Variants in ALKBH3 observed in about 807,000 individuals in gnomAD.
ALKBH3 encodes alpha-ketoglutarate-dependent dioxygenase alkB homolog 3.
In ALKBH3, 51 loss-of-function variants were observed where a neutral mutation model predicts 43.9. The observed-to-expected ratio is 1.16, with a 90% CI of 0.93 to 1.47. The LOEUF (loss-of-function observed/expected upper bound fraction) is 1.47, where lower values mean the gene tolerates loss of function less well. Ranked by LOEUF, ALKBH3 falls within the 40% of genes most tolerant of loss-of-function variation. The pLI is 0.00. For synonymous variants in ALKBH3, 102 were observed against 115.2 expected, an observed-to-expected ratio of 0.89 and a Z score of 0.73; for missense variants, 361 against 351.9, an observed-to-expected ratio of 1.03 and a Z score of -0.21.
intron 8 of ALKBH3, among the ~76,000 whole-genome samples, chr11:43,902,875 G>C (rs1353844760): frequency 6.6e-6 from 1 of 152,204 alleles, no homozygotes; most frequent in East Asian, 1.9e-4. Context: ...GGGATTACAG[G>C]CATGAGCCAC....
chr11:43,899,684 C>T, intron 7 of ALKBH3: 1 of 354,846 alleles, frequency 2.8e-6, no homozygotes, highest in Non-Finnish European at 5.2e-6. Flanking sequence ...GAGCAAATAG[C>T]TCTCCAGATG....
chr11:43,887,699 T>C (rs915239673), intron 5 of ALKBH3, among the ~76,000 whole-genome samples: 2 of 152,204 alleles, frequency 1.3e-5, no homozygotes, highest in African/African-American at 4.8e-5. Context: ...TGCTACATTA[T>C]ATTATTATAC....
At chr11:43,897,600 G>A in intron 7 of ALKBH3, 1 of 855,376 alleles carries the variant, frequency 1.2e-6, no homozygotes, top group Admixed American at 1.7e-5. Flanking sequence ...CAAGAGTGAA[G>A]ATGGGGCTGT....
intron 7 of ALKBH3, among the ~76,000 whole-genome samples, chr11:43,894,711 C>G (rs1951806310): frequency 6.6e-6 from 1 of 152,212 alleles, no homozygotes; most frequent in African/African-American, 2.4e-5. Flanking sequence ...GCGTGTAATT[C>G]TAGCATCTGA....
Position 43,912,089 on chromosome 11 carries a change from C to T in ALKBH3, c.670-6949C>T, listed in dbSNP as rs141541997. ...AGTGAGTCGAGATCGCACCACTGCA[C>T]TCCAGCCTGGGCCACAGAGTGAGAC... On this transcript the variant is annotated intron_variant, in intron 8 of 9. Transcript: ENST00000302708. 3.9e-5 allele frequency among the ~76,000 whole-genome samples: 6 copies of T among 152,280 alleles called. No individual in the cohort carries two copies. In the East Asian group the frequency reaches 9.6e-4, roughly 24 times the overall value.
chr11:43,892,202 C>A lies in ALKBH3; in HGVS notation c.459+73C>A, dbSNP rs1372674684. 7.7e-6 allele frequency: 10 copies of A among 1,295,740 alleles called. No individual in the cohort carries two copies. In the Admixed American group the frequency reaches 1.8e-4, roughly 23 times the overall value. 80.3% of individuals were successfully genotyped at this position (1,295,740 alleles called of 1,614,324 possible). A position where few individuals can be genotyped will look rare whatever the true frequency, so the allele number is the denominator to read the frequency against. ...TGTGTTGAGTGCTATAAAATAACAA[C>A]AAATTACCTTGCAGAGATTCATGCT... is the stretch of plus-strand genomic sequence containing the variant. On this transcript the variant is annotated intron_variant, in intron 7 of 9. Coordinates refer to ENST00000302708, the MANE Select transcript of ALKBH3 (RefSeq NM_139178.4).
At chr11:43,881,996 ATCTG>A (rs1951714880) in intron 1 of ALKBH3, among the ~76,000 whole-genome samples, 1 of 152,206 alleles carries the variant, frequency 6.6e-6, no homozygotes, top group Non-Finnish European at 1.5e-5. Context: ...TTGAATGTTA[ATCTG>A]TCTGTTGTTG....
chr11:43,884,045 T>C, intron 4 of ALKBH3, 28 bp downstream of exon 4: 4 of 1,613,422 alleles, frequency 2.5e-6, no homozygotes, highest in Non-Finnish European at 3.4e-6. Context: ...TTCCTGTAAT[T>C]GTTGCCCACA....
intron 8 of ALKBH3, chr11:43,909,908 C>T (rs1481957877): frequency 6.6e-6 from 1 of 152,248 alleles, no homozygotes; most frequent in African/African-American, 2.4e-5. Flanking sequence ...ATTATTGACA[C>T]ACCTGCTGTT....
At chr11:43,916,408 C>T (rs1951983577) in intron 8 of ALKBH3, among the ~76,000 whole-genome samples, 1 of 152,106 alleles carries the variant, frequency 6.6e-6, no homozygotes, top group Non-Finnish European at 1.5e-5. Flanking sequence ...TTCGCTTTTT[C>T]CATGTACTCG....
intron 7 of ALKBH3, among the ~76,000 whole-genome samples, chr11:43,893,128 A>C (rs912344706): frequency 6.6e-6 from 1 of 152,216 alleles, no homozygotes; most frequent in Non-Finnish European, 1.5e-5. Context: ...TTGAGGATTA[A>C]ATGGGCTGTG....
intron 5 of ALKBH3, among the ~76,000 whole-genome samples, chr11:43,889,029 T>C (rs1408192712): frequency 6.6e-6 from 1 of 151,716 alleles, no homozygotes; most frequent in Non-Finnish European, 1.5e-5. Context: ...TAGTTATTCT[T>C]TTTTTTTTCT....
At chr11:43,905,881 A>G (rs901119845) in intron 8 of ALKBH3, among the ~76,000 whole-genome samples, 6 of 152,190 alleles carry the variant, frequency 3.9e-5, no homozygotes, top group African/African-American at 1.4e-4. Flanking sequence ...CTGGAAAAGG[A>G]ACTACAAAAG....
chr11:43,883,006 CT>C (rs1337301287), intron 2 of ALKBH3, 78 bp from the exon 3 acceptor site: 2 of 1,157,108 alleles, frequency 1.7e-6, no homozygotes, highest in Non-Finnish European at 2.5e-6. Flanking sequence ...TCCAAGTGGG[CT>C]TTATTGGCCC....
chr11:43,899,180 G>A, intron 7 of ALKBH3: 2 of 774,326 alleles, frequency 2.6e-6, no homozygotes, highest in South Asian at 1.3e-5. Context: ...CACCTCTCCA[G>A]GTGGGAACAA....
chr11:43,900,250 GTC>G (rs1951853155), intron 7 of ALKBH3, among the ~76,000 whole-genome samples: 1 of 97,136 alleles, frequency 1.0e-5, no homozygotes, highest in Non-Finnish European at 1.9e-5. Context: ...TTGCGACAGA[GTC>G]TCGCTCTGTT....
intron 8 of ALKBH3, among the ~76,000 whole-genome samples, chr11:43,901,980 GTCC>G (rs1951867097): frequency 6.6e-6 from 1 of 152,118 alleles, no homozygotes; most frequent in Admixed American, 6.5e-5. Context: ...TAAACTCCCT[GTCC>G]TCCTGGAGAT....
rs552352996 is a variant in ALKBH3, at chr11:43,885,549, T to C, written c.219-1057T>C. On this transcript the variant is annotated intron_variant, in intron 4 of 9. Coordinates refer to ENST00000302708, the MANE Select transcript of ALKBH3 (RefSeq NM_139178.4). ...GTGTTCTCTATAACGTGTCTCTCTCTGAGAAGGATCTGACACAATTGTCTT... is the reference window on the plus strand; with the variant it reads ...GTGTTCTCTATAACGTGTCTCTCTCCGAGAAGGATCTGACACAATTGTCTT... 7.8e-4 allele frequency among the ~76,000 whole-genome samples: 119 copies of C among 152,368 alleles called. 1 individual carries two copies. The highest frequency in any genetic ancestry group is 2.7e-3 in the African/African-American group (113 of 41,588).
intron 5 of ALKBH3, among the ~76,000 whole-genome samples, chr11:43,887,955 AT>A (rs531812486): frequency 0.025 from 3,512 of 141,812 alleles, 130 homozygotes; most frequent in African/African-American, 0.079. Flanking sequence ...TGCCCAGCTA[AT>A]TTTTTTTTTT....
Sources: allele counts gnomAD v4.1 joint callset (sites outside exome capture counted in the v4.1 genomes callset), GRCh38; gene constraint gnomAD v4.1.1; transcripts MANE v1.5; gene names NCBI Gene and HGNC (gene_info 2026-07-23, HGNC 2026-07-21).